The following ESR1 variants were observed in gnomAD, a reference collection of about 807,000 sequenced individuals.
The protein encoded by ESR1 is estrogen receptor 1.
A neutral mutation model predicts 52.7 loss-of-function variants in ESR1; 12 were observed. The ratio of observed to expected loss-of-function variants is 0.23; its 90% CI spans 0.15 to 0.37. ESR1 has a LOEUF of 0.37. Among genes scored for constraint, ESR1 ranks in the 10% least tolerant of loss-of-function variants. The probability of loss-of-function intolerance (pLI) is 1.00; values close to 1 mark genes in which losing one functional copy is unlikely to be tolerated. For missense variants in ESR1, 584 were observed against 779.7 expected, an observed-to-expected ratio of 0.75 and a Z score of 2.99; for synonymous variants, 305 against 316.8, an observed-to-expected ratio of 0.96 and a Z score of 0.39.
chr6:152,110,918 C>T (rs2051124667), intron 6 of ESR1, among the ~76,000 whole-genome samples: 1 of 152,116 alleles, frequency 6.6e-6, no homozygotes, highest in Non-Finnish European at 1.5e-5. Flanking sequence ...CTTCCTGGCA[C>T]CTGGGGGTGC....
chr6:151,788,181 G>T (rs902313463), intron 2 of ESR1, among the ~76,000 whole-genome samples: 20 of 152,150 alleles, frequency 1.3e-4, no homozygotes. Context: ...ACAACCTACA[G>T]AATGGGAGAA....
At chr6:151,666,863 T>C (rs1049297131) in intron 1 of ESR1, among the ~76,000 whole-genome samples, 4 of 152,066 alleles carry the variant, frequency 2.6e-5, no homozygotes, top group African/African-American at 9.6e-5. Flanking sequence ...CAGAGTTAAA[T>C]AGTGGAAGGT....
At chr6:151,707,996 C>G (rs181015300) in intron 2 of ESR1, among the ~76,000 whole-genome samples, 1 of 151,942 alleles carries the variant, frequency 6.6e-6, no homozygotes, top group Admixed American at 6.6e-5. Context: ...TTTTTCCTCC[C>G]TTTTTCCTTT....
intron 2 of ESR1, among the ~76,000 whole-genome samples, chr6:151,792,428 T>G (rs561721344): frequency 1.3e-5 from 2 of 152,322 alleles, no homozygotes; most frequent in South Asian, 4.1e-4. Flanking sequence ...GTATTTTTTT[T>G]TTTACTTTAT....
chr6:151,745,803 A>T (rs1300751142), intron 2 of ESR1, among the ~76,000 whole-genome samples: 1 of 152,194 alleles, frequency 6.6e-6, no homozygotes, highest in Non-Finnish European at 1.5e-5. Flanking sequence ...AAAGCAGTTT[A>T]CTAGTGTTAA....
chr6:151,693,603 T>C (rs971215027), intron 1 of ESR1, among the ~76,000 whole-genome samples: 13 of 152,160 alleles, frequency 8.5e-5, no homozygotes, highest in African/African-American at 1.2e-4. Flanking sequence ...TCTTAGTCCA[T>C]ACACACATAG....
intron 2 of ESR1, among the ~76,000 whole-genome samples, chr6:151,875,548 G>T (rs992197608): frequency 8.5e-5 from 13 of 152,114 alleles, no homozygotes; most frequent in African/African-American, 2.7e-4. Context: ...TGCCTAAACT[G>T]ATCTGGGCAT....
At chr6:152,056,293 C>T (rs1426110844) in intron 5 of ESR1, among the ~76,000 whole-genome samples, 2 of 152,138 alleles carry the variant, frequency 1.3e-5, no homozygotes, top group Non-Finnish European at 2.9e-5. Flanking sequence ...CTAATCTTGC[C>T]ACTATTGATT....
chr6:151,969,548 G>A (rs1483055711), intron 4 of ESR1, among the ~76,000 whole-genome samples: 2 of 152,212 alleles, frequency 1.3e-5, no homozygotes, highest in African/African-American at 4.8e-5. Context: ...GCCAGCAGCA[G>A]GTGGTGGCAT....
At chr6:151,902,026 A>G (rs1358947283) in intron 3 of ESR1, among the ~76,000 whole-genome samples, 1 of 152,174 alleles carries the variant, frequency 6.6e-6, no homozygotes. Flanking sequence ...TTTATTTTGA[A>G]AATTTTACAT....
Position 151,780,553 on chromosome 6 carries a change from C to A in ESR1, c.-70-27290C>A, listed in dbSNP as rs539939598. ...TTTCCTTGGTGTGGGGTAGCCTGGG[C>A]ATGAATATTATTTAAAAACTCCTCT... is the stretch of plus-strand genomic sequence containing the variant. On this transcript the variant is annotated intron_variant, in intron 2 of 2. Coordinates refer to the ESR1 transcript ENST00000404742. 2.0e-5 allele frequency among the ~76,000 whole-genome samples: 3 copies of A among 152,216 alleles called. No homozygotes were observed. The East Asian group carries it at 5.8e-4, about 29-fold the overall frequency.
intron 6 of ESR1, among the ~76,000 whole-genome samples, chr6:152,109,640 T>G (rs1316722316): frequency 6.6e-6 from 1 of 152,178 alleles, no homozygotes; most frequent in Non-Finnish European, 1.5e-5. Context: ...GAGCCGAGAT[T>G]GTGCCATTGC....
chr6:151,800,437 C>T (rs1408067764), upstream of ESR1, among the ~76,000 whole-genome samples: 2 of 152,100 alleles, frequency 1.3e-5, no homozygotes, highest in Non-Finnish European at 2.9e-5. Flanking sequence ...CCCTACCCAC[C>T]CAAATTCACA....
Position 151,850,154 on chromosome 6 carries a change from A to G in ESR1, c.643+7367A>G, listed in dbSNP as rs1786378644. On this transcript the variant is annotated intron_variant, in intron 2 of 7. Transcript: ENST00000206249. ...TGGTACAGGCTGAATTGTGTCTCCC[A>G]GAAAGATATGTTGAAGTCCTAATGC... 3.4e-5 allele frequency among the ~76,000 whole-genome samples: 5 copies of G among 146,966 alleles called. No individual in the cohort carries two copies. In the South Asian group the frequency reaches 1.1e-3, roughly 31 times the overall value.
At chr6:151,939,492 A>T in intron 3 of ESR1, among the ~76,000 whole-genome samples, 1 of 152,190 alleles carries the variant, frequency 6.6e-6, no homozygotes, top group East Asian at 1.9e-4. Flanking sequence ...ATTCTATATA[A>T]TTAAGAATAA....
At chr6:152,073,915 T>C (rs1481851123) in intron 6 of ESR1, among the ~76,000 whole-genome samples, 1 of 152,218 alleles carries the variant, frequency 6.6e-6, no homozygotes, top group African/African-American at 2.4e-5. Flanking sequence ...GTTTTTCATT[T>C]TTTACATTAA....
At chr6:151,906,153 T>C (rs969628288) in intron 3 of ESR1, among the ~76,000 whole-genome samples, 1 of 152,078 alleles carries the variant, frequency 6.6e-6, no homozygotes, top group African/African-American at 2.4e-5. Context: ...GATTAAGAAC[T>C]ATGAGATATT....
intron 1 of ESR1, among the ~76,000 whole-genome samples, chr6:151,816,489 A>C (rs953022571): frequency 6.6e-6 from 1 of 152,218 alleles, no homozygotes; most frequent in Non-Finnish European, 1.5e-5. Flanking sequence ...CCTGGCACAT[A>C]ACAAGTCATT....
Position 152,101,403 on chromosome 6 carries a change from C to T in ESR1, c.*2437C>T, listed in dbSNP as rs1053167430. 3.4e-5 allele frequency: 8 copies of T among 232,590 alleles called. No individual in the cohort carries two copies. The highest frequency in any genetic ancestry group is 6.6e-5 in the African/African-American group (3 of 45,256). The allele number at this position is 232,590 out of a possible 1,614,324, so 14.4% of individuals were successfully genotyped here. Reference sequence around the variant, plus strand: ...ACAAAAAAAAATTTCTAGGACTAGACGATGTAATACCAGCTAAAGCCAAAC... The same window carrying T: ...ACAAAAAAAAATTTCTAGGACTAGATGATGTAATACCAGCTAAAGCCAAAC... On this transcript the variant is annotated 3_prime_UTR_variant, in exon 8 of 8. Coordinates refer to ENST00000206249, the MANE Select transcript of ESR1 (RefSeq NM_000125.4).
Sources: gnomAD v4.1 joint callset for allele counts (sites outside exome capture counted in the v4.1 genomes callset) on GRCh38, gnomAD v4.1.1 for gene constraint, MANE v1.5 for transcripts, NCBI Gene and HGNC (gene_info 2026-07-23, HGNC 2026-07-21) for gene names.